Variants in GABBR1 observed in about 807,000 individuals in gnomAD.
GABBR1 encodes the protein gamma-aminobutyric acid type B receptor subunit 1, also known as GABA-B receptor, R1 subunit.
In GABBR1, 35 loss-of-function variants were observed where a neutral mutation model predicts 117.7. That is an observed-to-expected ratio of 0.30 (90% CI 0.23 to 0.39). GABBR1 has a LOEUF of 0.39. GABBR1 is among the 10% of genes least tolerant of loss of function. GABBR1 has a pLI of 1.00. For synonymous variants in GABBR1, 442 were observed against 486.6 expected, an observed-to-expected ratio of 0.91 and a Z score of 1.21; for missense variants, 709 against 1,241.8, an observed-to-expected ratio of 0.57 and a Z score of 6.45.
chr6:29,628,279 GGGGAC>G, intron 5 of GABBR1: 4 of 529,298 alleles, frequency 7.6e-6, no homozygotes, highest in Non-Finnish European at 9.7e-6. Context: ...GAGGAGAAAT[GGGGAC>G]GGGGCGTGCC....
At chr6:29,626,527 C>T (rs1429411461) in intron 6 of GABBR1, among the ~76,000 whole-genome samples, 1 of 151,942 alleles carries the variant, frequency 6.6e-6, no homozygotes, top group Non-Finnish European at 1.5e-5. Context: ...TCATTATAAG[C>T]TATCCCCTAA....
rs1439106347 is a variant in GABBR1, at chr6:29,611,298, G to A, written c.1631-297C>T. On this transcript the variant is annotated intron_variant, in intron 13 of 22. Coordinates refer to ENST00000377034, the MANE Select transcript of GABBR1 (RefSeq NM_001470.4). The surrounding 1 kb of genome is among the most constrained non-coding windows in gnomAD (Gnocchi z 4.6). Reference sequence around the variant, plus strand: ...CTATTCCATTCCTCACACCTCTCTCGGCGAGATGTCTCTCACTTTGATTTT... The same window carrying A: ...CTATTCCATTCCTCACACCTCTCTCAGCGAGATGTCTCTCACTTTGATTTT... 2.1e-5 allele frequency: 7 copies of A among 338,042 alleles called. No individual in the cohort carries two copies. Among genetic ancestry groups the A allele is most frequent in the Non-Finnish European group, 2.1e-5 (4 of 187,546 alleles). 20.9% of individuals were successfully genotyped at this position (338,042 alleles called of 1,614,324 possible).
At position 29,627,079 on chromosome 6, in the gene GABBR1, G is replaced by C. The variant is rs934305460; in HGVS notation, c.657+407C>G. On this transcript the variant is annotated intron_variant, in intron 6 of 22. Coordinates refer to ENST00000377034, the MANE Select transcript of GABBR1 (RefSeq NM_001470.4). The surrounding 1 kb of genome is among the most constrained non-coding windows in gnomAD (Gnocchi z 4.4). ...GCCAAGATTTTACCTTGTTACCATG[G>C]TAAATGTAAACCCCCAATCCAGCTC... 2.0e-5 allele frequency among the ~76,000 whole-genome samples: 3 copies of C among 151,912 alleles called. No homozygotes were observed. Among genetic ancestry groups the C allele is most frequent in the African/African-American group, 7.3e-5 (3 of 41,322 alleles).
chr6:29,606,751 C>T lies in GABBR1; in HGVS notation c.2217+146G>A, dbSNP rs575011213. ...TCTGGAGGCCTATGAGGGGCTCCTT[C>T]TAGGAAGGAAAGGAAGAGCTTCCAA... On this transcript the variant is annotated intron_variant, in intron 18 of 22. Transcript: ENST00000377034. The surrounding 1 kb of genome is among the most constrained non-coding windows in gnomAD (Gnocchi z 4.5). 155 of 704,388 alleles carry T rather than the reference C, an allele frequency of 2.2e-4. No homozygotes were observed. Among genetic ancestry groups the T allele is most frequent in the Non-Finnish European group, 2.7e-4 (112 of 420,438 alleles). 43.6% of individuals were successfully genotyped at this position (704,388 alleles called of 1,614,324 possible). A position where few individuals can be genotyped will look rare whatever the true frequency, so the allele number is the denominator to read the frequency against.
chr6:29,632,261 G>GAGGAGATCCACT lies in GABBR1; in HGVS notation c.85+39_85+40insAGTGGATCTCCT. On this transcript the variant is annotated intron_variant, in intron 2 of 22. Transcript: ENST00000377034. This position sits in a 1 kb window ranked among gnomAD's most constrained non-coding sequence, Gnocchi z 5.8. Reference sequence around the variant, plus strand: ...TGAGGAGATGCAGGGAAAGGGAAGTGGAGCGAAGGAGGGCCGGAGGTCGTC... The same window carrying GAGGAGATCCACT: ...TGAGGAGATGCAGGGAAAGGGAAGTGAGGAGATCCACTGAGCGAAGGAGGGCCGGAGGTCGTC... The GAGGAGATCCACT allele has an allele frequency of 8.4e-7, 1 of 1,187,688 alleles. No individual in the cohort carries two copies. Among genetic ancestry groups the GAGGAGATCCACT allele is most frequent in the Admixed American group, 3.5e-5 (1 of 28,364 alleles). The allele number at this position is 1,187,688 out of a possible 1,614,324, so 73.6% of individuals were successfully genotyped here.
At position 29,620,330 on chromosome 6, in the gene GABBR1, C is replaced by T. The variant is rs1763619278; in HGVS notation, c.1323+771G>A. On this transcript the variant is annotated intron_variant, in intron 11 of 22. Coordinates refer to ENST00000377034, the MANE Select transcript of GABBR1 (RefSeq NM_001470.4). The surrounding 1 kb of genome is among the most constrained non-coding windows in gnomAD (Gnocchi z 4.5). The stretch of plus-strand genomic sequence containing the variant: ...TTGGGGCTTTACAACCATTAACTCA[C>T]CCCTAACATGCTCTCCAAAGCAGGT... Among the ~76,000 whole-genome samples the T allele has an allele frequency of 6.6e-6, 1 of 152,228 alleles. No homozygotes were observed. Among genetic ancestry groups the T allele is most frequent in the African/African-American group, 2.4e-5 (1 of 41,452 alleles).
rs538768492 is a variant in GABBR1, at chr6:29,619,304, CTCTTTTG to C, written c.1323+1790_1323+1796del. Among the ~76,000 whole-genome samples the C allele has an allele frequency of 2.0e-5, 3 of 152,362 alleles. No homozygotes were observed. The South Asian group carries it at 6.2e-4, about 32-fold the overall frequency. ...TTGTGCTGTTTGATTAATCTATAATCTCTTTTGCCCCTAACCTATTGTTAAGACTGCT... is the reference window on the plus strand; with the variant it reads ...TTGTGCTGTTTGATTAATCTATAATCCCCCTAACCTATTGTTAAGACTGCT... On this transcript the variant is annotated intron_variant, in intron 11 of 22. Coordinates refer to ENST00000377034, the MANE Select transcript of GABBR1 (RefSeq NM_001470.4).
At position 29,606,837 on chromosome 6, in the gene GABBR1, C is replaced by T; in HGVS notation, c.2217+60G>A. The T allele has an allele frequency of 7.2e-7, 1 of 1,398,080 alleles. No individual in the cohort carries two copies. The highest frequency in any genetic ancestry group is 1.0e-6 in the Non-Finnish European group (1 of 987,144). The allele number at this position is 1,398,080 out of a possible 1,614,324, so 86.6% of individuals were successfully genotyped here. On this transcript the variant is annotated intron_variant, in intron 18 of 22. Transcript: ENST00000377034. The surrounding 1 kb of genome is among the most constrained non-coding windows in gnomAD (Gnocchi z 4.5). ...CTCAAGACACACACAGCCCCAGGGCCCTGATGGCCACTGAGCCCTGCTCAT... is the reference window on the plus strand; with the variant it reads ...CTCAAGACACACACAGCCCCAGGGCTCTGATGGCCACTGAGCCCTGCTCAT...
In GABBR1 at chr6:29,621,639, G is replaced by A. The variant is rs17184409; in HGVS notation, c.1131+113C>T. 6.7e-6 allele frequency: 6 copies of A among 895,164 alleles called. No individual in the cohort carries two copies. The highest frequency in any genetic ancestry group is 1.1e-5 in the Non-Finnish European group (6 of 544,632). 55.5% of individuals were successfully genotyped at this position (895,164 alleles called of 1,614,324 possible). A position where few individuals can be genotyped will look rare whatever the true frequency, so the allele number is the denominator to read the frequency against. On this transcript the variant is annotated intron_variant, in intron 10 of 22. Coordinates refer to ENST00000377034, the MANE Select transcript of GABBR1 (RefSeq NM_001470.4). This position sits in a 1 kb window ranked among gnomAD's most constrained non-coding sequence, Gnocchi z 5.0. ...AACAGACAGAGACATCCTATGAATCGTCACCTCAGATCATATGCTATCAAC... is the reference window on the plus strand; with the variant it reads ...AACAGACAGAGACATCCTATGAATCATCACCTCAGATCATATGCTATCAAC...
chr6:29,629,301 T>G, intron 4 of GABBR1, 194 bp from the exon 5 acceptor site: 1 of 702,804 alleles, frequency 1.4e-6, no homozygotes, highest in Non-Finnish European at 2.6e-6. Flanking sequence ...ACTTATTTTC[T>G]TCTTCGATTT....
intron 11 of GABBR1, among the ~76,000 whole-genome samples, chr6:29,619,146 C>A (rs918083297): frequency 1.3e-5 from 2 of 152,124 alleles, no homozygotes; most frequent in Non-Finnish European, 1.5e-5. Context: ...GTGGTTCTGA[C>A]GGATGTTAAA....
rs750877966 is a variant in GABBR1 at position 29,621,198 on chromosome 6, T to C, written c.1226A>G (p.Asn409Ser). 2 of 1,613,034 alleles carry C rather than the reference T, an allele frequency of 1.2e-6. No homozygotes were observed. The highest frequency in any genetic ancestry group is 2.2e-5 in the East Asian group (1 of 44,882). The part of the protein sequence containing the change: ...NWFKIYDPSI[N>S]CTVDEMTEAV... ...CTCAGTCATCTCATCCACTGTGCAG[T>C]TGATAGAAGGGTCGTAGATCTTGAA... The change falls in exon 11 of 23, where the codon AAC becomes AGC. Residue 409 changes from asparagine to serine, a missense_variant. Transcript: ENST00000377034. The surrounding 1 kb of genome is among the most constrained non-coding windows in gnomAD (Gnocchi z 5.0).
chr6:29,628,128 G>C (rs1313059501), intron 5 of GABBR1: 1 of 414,380 alleles, frequency 2.4e-6, no homozygotes, highest in African/African-American at 2.7e-5. Context: ...GAGCTGGGGA[G>C]GCAGGAAGGG....
In GABBR1 at chr6:29,630,186, GA is replaced by G; in HGVS notation, c.475+271del. The G allele has an allele frequency of 2.4e-6, 1 of 415,856 alleles. No homozygotes were observed. The highest frequency in any genetic ancestry group is 4.3e-6 in the Non-Finnish European group (1 of 233,270). 25.8% of individuals were successfully genotyped at this position (415,856 alleles called of 1,614,324 possible). A position where few individuals can be genotyped will look rare whatever the true frequency, so the allele number is the denominator to read the frequency against. Reference sequence around the variant, plus strand: ...GGTGAGAGAGGTGAGATTCATAAAGGAAAAGAGAAAACGTGAGGTCTAAGAA... The same window carrying G: ...GGTGAGAGAGGTGAGATTCATAAAGGAAAGAGAAAACGTGAGGTCTAAGAA... On this transcript the variant is annotated intron_variant, in intron 4 of 22. Coordinates refer to ENST00000377034, the MANE Select transcript of GABBR1 (RefSeq NM_001470.4). This position sits in a 1 kb window ranked among gnomAD's most constrained non-coding sequence, Gnocchi z 4.9.
In GABBR1 at chr6:29,624,110, T is replaced by C; in HGVS notation, c.658-86A>G. On this transcript the variant is annotated intron_variant, in intron 6 of 22. Coordinates refer to ENST00000377034, the MANE Select transcript of GABBR1 (RefSeq NM_001470.4). The stretch of plus-strand genomic sequence containing the variant: ...CTGCTCTTATCTTTCTCGAACAAAT[T>C]AGTTCCTTTCTCAATTACTCACTTT... 5 of 1,302,316 alleles carry C rather than the reference T, an allele frequency of 3.8e-6. No individual in the cohort carries two copies. In the South Asian group the frequency reaches 7.3e-5, roughly 19 times the overall value. The allele number at this position is 1,302,316 out of a possible 1,614,324, so 80.7% of individuals were successfully genotyped here. A position where few individuals can be genotyped will look rare whatever the true frequency, so the allele number is the denominator to read the frequency against.
chr6:29,610,118 A>C (rs1195589997), intron 14 of GABBR1, among the ~76,000 whole-genome samples: 2 of 150,430 alleles, frequency 1.3e-5, no homozygotes, highest in Non-Finnish European at 2.9e-5. Context: ...GAATGACTGG[A>C]TATCTGCTGG....
rs1461311787 is a variant in GABBR1, at chr6:29,631,435, T to G, written c.250A>C (p.Asn84His). 3 of 1,614,158 alleles carry G rather than the reference T, an allele frequency of 1.9e-6. No homozygotes were observed. The South Asian group carries it at 3.3e-5, about 18-fold the overall frequency. ...VGPKVRKCLA[N>H]GSWTDMDTPS... is the part of the protein sequence containing the mutation. Reference sequence around the variant, plus strand: ...GTGTCCATATCTGTCCAGGAGCCGTTGGCCAGGCACTTGCGGACCTTGGGC... The same window carrying G: ...GTGTCCATATCTGTCCAGGAGCCGTGGGCCAGGCACTTGCGGACCTTGGGC... The change falls in exon 3 of 23, where the codon AAC (asparagine) becomes CAC (histidine). Residue 84 changes from asparagine to histidine, a missense_variant. Coordinates refer to ENST00000377034, the MANE Select transcript of GABBR1 (RefSeq NM_001470.4). The surrounding 1 kb of genome is among the most constrained non-coding windows in gnomAD (Gnocchi z 5.9).
chr6:29,618,769 T>C (rs1763438586), intron 11 of GABBR1, among the ~76,000 whole-genome samples: 2 of 152,236 alleles, frequency 1.3e-5, no homozygotes, highest in Admixed American at 1.3e-4. Flanking sequence ...CTAGGGTTTC[T>C]CATTCTCTGC....
At position 29,622,176 on chromosome 6, in the gene GABBR1, C is replaced by T. The variant is rs766573966; in HGVS notation, c.993G>A (p.Lys331=). Residue 331 remains lysine, a synonymous_variant, in exon 9 of 23, where the codon AAG becomes AAA. Coordinates refer to ENST00000377034, the MANE Select transcript of GABBR1 (RefSeq NM_001470.4). This position sits in a 1 kb window ranked among gnomAD's most constrained non-coding sequence, Gnocchi z 4.6. ...GGAAAGTAATCTCAATTCCAGCCTCCTTCACTCGTTCCTCCAGGTCGTCCA... is the reference window on the plus strand; with the variant it reads ...GGAAAGTAATCTCAATTCCAGCCTCTTTCACTCGTTCCTCCAGGTCGTCCA... The part of the protein sequence containing the change: ...STLDDLEERV[K]EAGIEITFRQ... The T allele has an allele frequency of 1.2e-6, 2 of 1,614,126 alleles. No homozygotes were observed. Among genetic ancestry groups the T allele is most frequent in the Non-Finnish European group, 1.7e-6 (2 of 1,179,986 alleles).
Sources: gnomAD v4.1 joint callset for allele counts (sites outside exome capture counted in the v4.1 genomes callset) on GRCh38, gnomAD v4.1.1 for gene constraint, Gnocchi (gnomAD v3.1) non-coding constraint, MANE v1.5 for transcripts, NCBI Gene and HGNC (gene_info 2026-07-23, HGNC 2026-07-21) for gene names.